The following ABHD2 variants were observed in gnomAD, a reference collection of about 807,000 sequenced individuals.
The protein encoded by ABHD2 is abhydrolase domain containing 2, acylglycerol lipase.
ABHD2 carries 20 observed loss-of-function variants against 48.1 expected under a neutral mutation model. That is an observed-to-expected ratio of 0.42 (90% CI 0.29 to 0.60). The LOEUF (loss-of-function observed/expected upper bound fraction) is 0.60, where lower values mean the gene tolerates loss of function less well. Ranked by LOEUF, ABHD2 falls within the 20% of genes least tolerant of loss-of-function variation. The pLI, the probability that ABHD2 is intolerant of heterozygous loss-of-function variation, is 0.24. For synonymous variants in ABHD2, 209 were observed against 214.2 expected (o/e 0.98, Z 0.21); for missense variants, 405 against 550.9 (o/e 0.74, Z 2.65).
chr15:89,049,948 G>A, the ABHD2 span, among the ~76,000 whole-genome samples: 1 of 152,126 alleles, frequency 6.6e-6, no homozygotes, highest in African/African-American at 2.4e-5. Flanking sequence ...CTCCAAATGT[G>A]CAAGTAGTGG....
At chr15:89,107,164 C>T (rs1168770020) in intron 1 of ABHD2, among the ~76,000 whole-genome samples, 2 of 152,124 alleles carry the variant, frequency 1.3e-5, no homozygotes, top group Non-Finnish European at 2.9e-5. Context: ...GTGTCAGGAG[C>T]AGGGGTTCCA....
chr15:89,109,936 G>T (rs1203818846), intron 1 of ABHD2, among the ~76,000 whole-genome samples: 3 of 151,880 alleles, frequency 2.0e-5, no homozygotes, highest in African/African-American at 7.3e-5. Flanking sequence ...CATAGTATTT[G>T]CATATAACCT....
rs1022280992 is a variant in ABHD2, at chr15:89,106,526, C to G, written c.-106-7199C>G. 6 of 152,210 alleles carry G rather than the reference C, an allele frequency of 3.9e-5. No individual in the cohort carries two copies. Among genetic ancestry groups the G allele is most frequent in the African/African-American group, 1.4e-4 (6 of 41,424 alleles). 9.4% of individuals were successfully genotyped at this position (152,210 alleles called of 1,614,324 possible). A position where few individuals can be genotyped will look rare whatever the true frequency, so the allele number is the denominator to read the frequency against. On this transcript the variant is annotated intron_variant, in intron 1 of 10. Transcript: ENST00000352732. The surrounding 1 kb of genome is among the most constrained non-coding windows in gnomAD (Gnocchi z 4.2). The stretch of plus-strand genomic sequence containing the variant: ...AGCCTCCTGGCTATGTTCTGAGGCT[C>G]TCCCATCCCATGGCAGTGAAAGACT...
intron 1 of ABHD2, among the ~76,000 whole-genome samples, chr15:89,107,381 GCAGTTAAT>G (rs2049802838): frequency 6.6e-6 from 1 of 152,152 alleles, no homozygotes; most frequent in Non-Finnish European, 1.5e-5. Flanking sequence ...GGAGGCCCAA[GCAGTTAAT>G]CAGCTAGTGA....
chr15:89,142,763 C>T (rs777804089), intron 3 of ABHD2, among the ~76,000 whole-genome samples: 3 of 152,124 alleles, frequency 2.0e-5, no homozygotes, highest in African/African-American at 4.8e-5. Context: ...CAGCTCATAT[C>T]GTCACATTTA....
chr15:89,053,074 T>G, the ABHD2 span, among the ~76,000 whole-genome samples: 2 of 151,856 alleles, frequency 1.3e-5, no homozygotes, highest in African/African-American at 2.4e-5. Flanking sequence ...TTCAAGCGAT[T>G]CTCCTGCCTC....
chr15:89,057,202 C>G, the ABHD2 span, among the ~76,000 whole-genome samples: 1 of 152,196 alleles, frequency 6.6e-6, no homozygotes, highest in African/African-American at 2.4e-5. Flanking sequence ...GCATGAGCCA[C>G]TGCGCTAGGC....
rs1202579381 is a variant in ABHD2, at chr15:89,186,648, GAACCA to G, written c.815+1136_815+1140del. Among the ~76,000 whole-genome samples, 1 of 152,076 alleles carries G rather than the reference GAACCA, an allele frequency of 6.6e-6. No homozygotes were observed. The highest frequency in any genetic ancestry group is 1.5e-5 in the Non-Finnish European group (1 of 68,028). ...TTCCCCTCTGTAAATCCTACGTCTA[GAACCA>G]AACTGGAGAGCGTTGGAGGGCTTAG... On this transcript the variant is annotated intron_variant, in intron 7 of 10. Coordinates refer to ENST00000352732, the MANE Select transcript of ABHD2 (RefSeq NM_152924.5). The surrounding 1 kb of genome is among the most constrained non-coding windows in gnomAD (Gnocchi z 4.3).
intron 5 of ABHD2, among the ~76,000 whole-genome samples, chr15:89,162,041 C>T (rs1003087025): frequency 1.3e-5 from 2 of 152,096 alleles, no homozygotes; most frequent in Non-Finnish European, 2.9e-5. Flanking sequence ...AAAAGGACAC[C>T]AGTCATCCTG....
At chr15:89,130,377 C>T (rs1422958932) in intron 3 of ABHD2, among the ~76,000 whole-genome samples, 2 of 152,202 alleles carry the variant, frequency 1.3e-5, no homozygotes, top group African/African-American at 4.8e-5. Flanking sequence ...AGCAATGTCA[C>T]ACCTCACACA....
chr15:89,130,891 A>T (rs1014226799), intron 3 of ABHD2, among the ~76,000 whole-genome samples: 4 of 152,200 alleles, frequency 2.6e-5, no homozygotes, highest in Non-Finnish European at 5.9e-5. Flanking sequence ...GCTCGTGCCC[A>T]TGCCTAACTT....
chr15:89,180,949 C>T (rs1011938704), intron 6 of ABHD2, among the ~76,000 whole-genome samples: 26 of 152,018 alleles, frequency 1.7e-4, no homozygotes, highest in African/African-American at 4.8e-4. Context: ...AGGGAAGGGC[C>T]GGGTGCGGTG....
rs1901636854 is a variant in ABHD2 at position 89,092,534 on chromosome 15, G to A, written c.-107+3971G>A. Among the ~76,000 whole-genome samples the A allele has an allele frequency of 6.6e-6, 1 of 152,154 alleles. No homozygotes were observed. Among genetic ancestry groups the A allele is most frequent in the African/African-American group, 2.4e-5 (1 of 41,426 alleles). Reference sequence around the variant, plus strand: ...TAGGCAATACATTCACATGATGAAAGAAAATTTTTTAAAGGCACAAAAGGT... The same window carrying A: ...TAGGCAATACATTCACATGATGAAAAAAAATTTTTTAAAGGCACAAAAGGT... On this transcript the variant is annotated intron_variant, in intron 1 of 10. Transcript: ENST00000352732. This position sits in a 1 kb window ranked among gnomAD's most constrained non-coding sequence, Gnocchi z 4.4.
the ABHD2 span, among the ~76,000 whole-genome samples, chr15:89,057,365 C>G: frequency 6.6e-6 from 1 of 152,134 alleles, no homozygotes; most frequent in Non-Finnish European, 1.5e-5. Context: ...TCTCCACTTC[C>G]CTTTGGGGTT....
At chr15:89,069,625 A>G in the ABHD2 span, among the ~76,000 whole-genome samples, 14 of 149,858 alleles carry the variant, frequency 9.3e-5, no homozygotes, top group South Asian at 2.7e-3. Flanking sequence ...CAAACTTTGT[A>G]AAAATGGAAT....
At chr15:89,065,461 C>T in the ABHD2 span, among the ~76,000 whole-genome samples, 2 of 152,130 alleles carry the variant, frequency 1.3e-5, no homozygotes, top group Non-Finnish European at 1.5e-5. Context: ...CCTCCTCTTC[C>T]TCCTGAGGGC....
At chr15:89,123,910 T>G (rs62020260) in intron 3 of ABHD2, among the ~76,000 whole-genome samples, 5,584 of 152,274 alleles carry the variant, frequency 0.037, 156 homozygotes, top group Non-Finnish European at 0.057. Flanking sequence ...ACCCAGCCCC[T>G]AATTATTTCT....
At chr15:89,165,373 G>A (rs2050822692) in intron 5 of ABHD2, among the ~76,000 whole-genome samples, 1 of 151,482 alleles carries the variant, frequency 6.6e-6, no homozygotes. Context: ...TACTAAATAT[G>A]TCTCTTTTGA....
intron 9 of ABHD2, among the ~76,000 whole-genome samples, chr15:89,191,481 C>T (rs983686353): frequency 1.3e-4 from 20 of 152,142 alleles, no homozygotes; most frequent in African/African-American, 4.1e-4. Flanking sequence ...AGATTTCTTA[C>T]CATCCGGGAC....
Sources: allele counts gnomAD v4.1 joint callset (sites outside exome capture counted in the v4.1 genomes callset), GRCh38; gene constraint gnomAD v4.1.1; non-coding constraint Gnocchi (gnomAD v3.1); transcripts MANE v1.5; gene names NCBI Gene and HGNC (gene_info 2026-07-23, HGNC 2026-07-21).